Variants in FAM135B observed in about 807,000 individuals in gnomAD.
The protein encoded by FAM135B is family with sequence similarity 135 member B.
FAM135B carries 43 observed loss-of-function variants against 127.7 expected under a neutral mutation model. That is an observed-to-expected ratio of 0.34 (90% CI 0.26 to 0.43). FAM135B has a LOEUF of 0.43. FAM135B is among the 20% of genes least tolerant of loss of function. The pLI is 1.00. For synonymous variants in FAM135B, 670 were observed against 665.1 expected (o/e 1.01, Z -0.11); for missense variants, 1,558 against 1,725.6 (o/e 0.90, Z 1.72).
chr8:138,390,888 C>G (rs1587327925), intron 1 of FAM135B, among the ~76,000 whole-genome samples: 1 of 152,100 alleles, frequency 6.6e-6, no homozygotes, highest in Non-Finnish European at 1.5e-5. Context: ...AAACTCTGCC[C>G]TTCAGAAATG....
intron 6 of FAM135B, 80 bp downstream of exon 6, chr8:138,250,761 C>T (rs2130480488): frequency 6.6e-7 from 1 of 1,517,040 alleles, no homozygotes; most frequent in African/African-American, 1.4e-5. Flanking sequence ...CTGATCTCTC[C>T]TGGAAAACTC....
intron 2 of FAM135B, among the ~76,000 whole-genome samples, chr8:138,367,182 C>T (rs16908955): frequency 0.022 from 3,364 of 152,244 alleles, 112 homozygotes; most frequent in African/African-American, 0.076. Context: ...TACTAATTTG[C>T]GCTGTTAATT....
chr8:138,315,986 C>T (rs1827058055), intron 2 of FAM135B, among the ~76,000 whole-genome samples: 2 of 151,936 alleles, frequency 1.3e-5, no homozygotes, highest in African/African-American at 2.4e-5. Context: ...GTATTATATA[C>T]TGAAATTTGC....
intron 2 of FAM135B, 89 bp downstream of exon 2, chr8:138,367,818 T>C: frequency 1.0e-6 from 1 of 1,003,906 alleles, no homozygotes; most frequent in Non-Finnish European, 1.5e-6. Flanking sequence ...TCCTATAATC[T>C]GACTTCCCCA....
intron 12 of FAM135B, among the ~76,000 whole-genome samples, 200 bp downstream of exon 12, chr8:138,167,695 T>C (rs953051882): frequency 6.6e-6 from 1 of 152,200 alleles, no homozygotes; most frequent in Non-Finnish European, 1.5e-5. Context: ...AAGTCTTTCA[T>C]GGTTATTTTG....
intron 2 of FAM135B, among the ~76,000 whole-genome samples, chr8:138,345,489 G>T (rs1043170657): frequency 6.6e-6 from 1 of 152,156 alleles, no homozygotes. Context: ...AAACGGACAG[G>T]GTGGGCAGTA....
chr8:138,468,887 A>G (rs974696596), intron 1 of FAM135B, among the ~76,000 whole-genome samples: 1 of 152,176 alleles, frequency 6.6e-6, no homozygotes, highest in African/African-American at 2.4e-5. Flanking sequence ...TCTACTAGAA[A>G]TATAAAAATT....
chr8:138,286,659 G>C (rs1328742421), intron 3 of FAM135B, among the ~76,000 whole-genome samples: 2 of 152,222 alleles, frequency 1.3e-5, no homozygotes, highest in African/African-American at 2.4e-5. Flanking sequence ...ATGGACTAGA[G>C]GTGAGACACG....
chr8:138,442,267 T>TAC (rs1554694335), intron 1 of FAM135B, among the ~76,000 whole-genome samples: 1,032 of 86,744 alleles, frequency 0.012, 120 homozygotes, highest in Non-Finnish European at 0.017. Context: ...TATATATATA[T>TAC]ATATATATAT....
At chr8:138,424,896 T>C (rs536544389) in intron 1 of FAM135B, among the ~76,000 whole-genome samples, 1 of 152,322 alleles carries the variant, frequency 6.6e-6, no homozygotes, top group South Asian at 2.1e-4. Context: ...CACATTGAAT[T>C]TTATGAATAT....
intron 6 of FAM135B, among the ~76,000 whole-genome samples, chr8:138,247,942 A>C (rs760114500): frequency 2.6e-5 from 4 of 152,234 alleles, no homozygotes; most frequent in Non-Finnish European, 5.9e-5. Flanking sequence ...TGTTTCTTCT[A>C]GAAAGATTTC....
intron 1 of FAM135B, among the ~76,000 whole-genome samples, chr8:138,496,268 G>A (rs1815388036): frequency 6.6e-6 from 1 of 152,038 alleles, no homozygotes; most frequent in Admixed American, 6.5e-5. Flanking sequence ...CTGTGCATTC[G>A]CCTGGATCAC....
chr8:138,355,483 C>A (rs536824789), intron 2 of FAM135B, among the ~76,000 whole-genome samples: 2 of 151,998 alleles, frequency 1.3e-5, no homozygotes, highest in African/African-American at 4.8e-5. Flanking sequence ...AAAAATCATT[C>A]ACTCTCTTTT....
At chr8:138,452,700 AG>A (rs11324745) in intron 1 of FAM135B, among the ~76,000 whole-genome samples, 64,852 of 151,912 alleles carry the variant, frequency 0.43, 14,515 homozygotes, top group Non-Finnish European at 0.47. Context: ...TGGATCCTCT[AG>A]TCTAGGGTCT....
Position 138,236,953 on chromosome 8 carries a change from T to C in FAM135B, c.669+5989A>G, listed in dbSNP as rs547279921. Reference sequence around the variant, plus strand: ...GCTGATAGATAAATAAATGAGCACATGTACTAAAGCCTCTGCCCAAGGAAA... The same window carrying C: ...GCTGATAGATAAATAAATGAGCACACGTACTAAAGCCTCTGCCCAAGGAAA... On this transcript the variant is annotated intron_variant, in intron 7 of 19. Transcript: ENST00000395297. Among the ~76,000 whole-genome samples the C allele has an allele frequency of 6.6e-5, 10 of 152,208 alleles. No individual in the cohort carries two copies. The East Asian group carries it at 1.4e-3, about 21-fold the overall frequency.
At chr8:138,158,488 A>G (rs552287716) in intron 12 of FAM135B, among the ~76,000 whole-genome samples, 1,850 of 152,352 alleles carry the variant, frequency 0.012, 29 homozygotes, top group African/African-American at 0.043. Context: ...AGAAACTACC[A>G]TCAGAGTGAA....
intron 16 of FAM135B, among the ~76,000 whole-genome samples, chr8:138,142,288 C>CTTTTTTT (rs71316322): frequency 5.0e-4 from 31 of 62,394 alleles, no homozygotes; most frequent in Non-Finnish European, 6.6e-4. Flanking sequence ...TCTGCTTCTT[C>CTTTTTTT]TTTTTTTTTT....
At chr8:138,497,687 C>T (rs141161319), upstream of FAM135B, among the ~76,000 whole-genome samples, 373 of 152,262 alleles carry the variant, frequency 2.4e-3, 1 homozygote, top group Admixed American at 3.3e-3. Flanking sequence ...CCGATGGGCT[C>T]CTCACTTCAT....
chr8:138,402,190 C>A (rs1419403030), intron 1 of FAM135B, among the ~76,000 whole-genome samples: 4 of 129,972 alleles, frequency 3.1e-5, no homozygotes, highest in Non-Finnish European at 4.9e-5. Flanking sequence ...CTCAGCAGTA[C>A]CTGGAACACT....
Sources: allele counts gnomAD v4.1 joint callset (sites outside exome capture counted in the v4.1 genomes callset), GRCh38; gene constraint gnomAD v4.1.1; transcripts MANE v1.5; gene names NCBI Gene and HGNC (gene_info 2026-07-23, HGNC 2026-07-21).